Variants in GTF2A1 observed in about 807,000 individuals in gnomAD.
The protein encoded by GTF2A1 is general transcription factor IIA subunit 1.
A neutral mutation model predicts 54.1 loss-of-function variants in GTF2A1; 12 were observed. That is an observed-to-expected ratio of 0.22 (90% CI 0.14 to 0.36). The LOEUF (loss-of-function observed/expected upper bound fraction) is 0.36, where lower values mean the gene tolerates loss of function less well. Among genes scored for constraint, GTF2A1 ranks in the 10% least tolerant of loss-of-function variants. The pLI is 1.00. For missense variants in GTF2A1, 335 were observed against 442.2 expected (o/e 0.76, Z 2.17); for synonymous variants, 145 against 152.0 (o/e 0.95, Z 0.34).
intron 7 of GTF2A1, among the ~76,000 whole-genome samples, chr14:81,189,399 C>T (rs570036409): frequency 1.2e-4 from 18 of 152,226 alleles, no homozygotes; most frequent in East Asian, 7.7e-4. Context: ...TGGCCAGGCG[C>T]GGTGGCTCAT....
At chr14:81,180,369 T>C in intron 8 of GTF2A1, 39 bp from the exon 9 acceptor site, 1 of 874,496 alleles carries the variant, frequency 1.1e-6, no homozygotes, top group South Asian at 1.4e-5. Flanking sequence ...AGAGATACAA[T>C]CAGAAAACAG....
chr14:81,206,196 T>TGTGG lies in GTF2A1; in HGVS notation c.133-2096_133-2093dup, dbSNP rs1450574334. Among the ~76,000 whole-genome samples, 8 of 152,298 alleles carry TGTGG rather than the reference T, an allele frequency of 5.3e-5. No individual in the cohort carries two copies. In the East Asian group the frequency reaches 1.4e-3, roughly 26 times the overall value. On this transcript the variant is annotated intron_variant, in intron 2 of 8. Transcript: ENST00000553612. ...TAAACATTAATGAATACACATCATG[T>TGTGG]GTGGCTAAGTACTGGGCACCATGAC...
At chr14:81,202,564 G>C (rs1893136808) in intron 3 of GTF2A1, 2 of 454,024 alleles carry the variant, frequency 4.4e-6, no homozygotes, top group Admixed American at 5.4e-5. Flanking sequence ...GTCCAAATAA[G>C]TTCGGCATCA....
rs1353364325 is a variant in GTF2A1 at position 81,175,972 on chromosome 14, T to G, written c.*4251A>C. Reference sequence around the variant, plus strand: ...AATCATTTGTAACACAGTTTACTAATTCAAATTGACATCTCAATCTACTTA... The same window carrying G: ...AATCATTTGTAACACAGTTTACTAAGTCAAATTGACATCTCAATCTACTTA... On this transcript the variant is annotated 3_prime_UTR_variant, in exon 9 of 9. Coordinates refer to ENST00000553612, the MANE Select transcript of GTF2A1 (RefSeq NM_015859.4). 1.3e-5 allele frequency: 2 copies of G among 152,202 alleles called. No individual in the cohort carries two copies. Among genetic ancestry groups the G allele is most frequent in the East Asian group, 3.8e-4 (2 of 5,204 alleles). 9.4% of individuals were successfully genotyped at this position (152,202 alleles called of 1,614,324 possible).
chr14:81,176,476 C>T lies in GTF2A1; in HGVS notation c.*3747G>A, dbSNP rs563555256. 4 of 152,196 alleles carry T rather than the reference C, an allele frequency of 2.6e-5. No homozygotes were observed. In the South Asian group the frequency reaches 6.2e-4, roughly 24 times the overall value. The allele number at this position is 152,196 out of a possible 1,614,324, so 9.4% of individuals were successfully genotyped here. On this transcript the variant is annotated 3_prime_UTR_variant, in exon 9 of 9. Transcript: ENST00000553612. ...CCTTGACTGAAAGAGTAGTTACTAA[C>T]TCAATGTGTAGTAACTTCCCTTAAA...
intron 3 of GTF2A1, among the ~76,000 whole-genome samples, chr14:81,203,133 G>A (rs1893150434): frequency 6.6e-6 from 1 of 152,158 alleles, no homozygotes; most frequent in Non-Finnish European, 1.5e-5. Context: ...TACAGATCAA[G>A]TTTCTTAGCC....
chr14:81,207,362 C>T (rs540356758), intron 2 of GTF2A1, among the ~76,000 whole-genome samples: 3 of 152,230 alleles, frequency 2.0e-5, no homozygotes, highest in East Asian at 3.9e-4. Flanking sequence ...GCTTGTTCCT[C>T]ATTTTCTCTT....
chr14:81,186,121 G>A (rs1892739953), intron 7 of GTF2A1, among the ~76,000 whole-genome samples: 1 of 152,158 alleles, frequency 6.6e-6, no homozygotes, highest in South Asian at 2.1e-4. Context: ...CAAAGTGCTG[G>A]GATTACAGGC....
chr14:81,204,566 T>C (rs557291026), intron 2 of GTF2A1, among the ~76,000 whole-genome samples: 2 of 152,294 alleles, frequency 1.3e-5, no homozygotes, highest in East Asian at 3.9e-4. Flanking sequence ...TAAATTCATT[T>C]ACAACAGTGA....
intron 2 of GTF2A1, among the ~76,000 whole-genome samples, chr14:81,213,328 G>T (rs1893413944): frequency 3.7e-4 from 1 of 2,722 alleles, no homozygotes; most frequent in Non-Finnish European, 5.9e-3. Context: ...GAAACATTTG[G>T]TCTCAAAGAT....
chr14:81,215,415 T>C (rs1595232182), intron 2 of GTF2A1, among the ~76,000 whole-genome samples: 1 of 152,190 alleles, frequency 6.6e-6, no homozygotes, highest in Non-Finnish European at 1.5e-5. Context: ...GTCAACCTTG[T>C]GGACCCCCTG....
Position 81,178,075 on chromosome 14 carries a change from T to C in GTF2A1, c.*2148A>G, listed in dbSNP as rs1892564452. 1 of 151,896 alleles carries C rather than the reference T, an allele frequency of 6.6e-6. No individual in the cohort carries two copies. The highest frequency in any genetic ancestry group is 1.5e-5 in the Non-Finnish European group (1 of 67,938). The allele number at this position is 151,896 out of a possible 1,614,324, so 9.4% of individuals were successfully genotyped here. The stretch of plus-strand genomic sequence containing the variant: ...GCAGTGGTTGTTAATATTTGAAAAA[T>C]AAAGTTATAAAAACAGGCCAGTATA... On this transcript the variant is annotated 3_prime_UTR_variant, in exon 9 of 9. Coordinates refer to ENST00000553612, the MANE Select transcript of GTF2A1 (RefSeq NM_015859.4).
Position 81,180,313 on chromosome 14 carries a change from GTTT to G in GTF2A1, c.1038_1040del (p.Lys346del), listed in dbSNP as rs1402359786. 1 of 1,394,978 alleles carries G rather than the reference GTTT, an allele frequency of 7.2e-7. No individual in the cohort carries two copies. Among genetic ancestry groups the G allele is most frequent in the Non-Finnish European group, 1.0e-6 (1 of 988,614 alleles). The allele number at this position is 1,394,978 out of a possible 1,614,324, so 86.4% of individuals were successfully genotyped here. Reference sequence around the variant, plus strand: ...CATCCTTGAGATGAAATTTCCATTTGTTTTTACTTCTGTGTATCTAAACAAAAA... The same window carrying G: ...CATCCTTGAGATGAAATTTCCATTTGTTACTTCTGTGTATCTAAACAAAAA... On this transcript the variant is annotated inframe_deletion, in exon 9 of 9. Coordinates refer to ENST00000553612, the MANE Select transcript of GTF2A1 (RefSeq NM_015859.4).
intron 7 of GTF2A1, among the ~76,000 whole-genome samples, chr14:81,186,751 C>T (rs1892756317): frequency 6.6e-6 from 1 of 151,910 alleles, no homozygotes; most frequent in African/African-American, 2.4e-5. Flanking sequence ...GAGTTTGAGA[C>T]CAGCCAGGGA....
At chr14:81,187,969 CA>C (rs1164016177) in intron 7 of GTF2A1, among the ~76,000 whole-genome samples, 1 of 152,094 alleles carries the variant, frequency 6.6e-6, no homozygotes, top group Non-Finnish European at 1.5e-5. Context: ...CCAATTTCTC[CA>C]AATCCTCACC....
rs189020588 is a variant in GTF2A1 at position 81,211,268 on chromosome 14, G to A, written c.132+5145C>T. Among the ~76,000 whole-genome samples the A allele has an allele frequency of 7.9e-5, 12 of 152,200 alleles. No individual in the cohort carries two copies. The East Asian group carries it at 2.1e-3, about 27-fold the overall frequency. On this transcript the variant is annotated intron_variant, in intron 2 of 8. Transcript: ENST00000553612. ...CCTCACTTGCCTCCCTTTAATCCCA[G>A]TACTAGTCCAAATTCCTAGTCTCTA...
At chr14:81,218,029 C>T (rs1281781970) in intron 1 of GTF2A1, among the ~76,000 whole-genome samples, 1 of 151,666 alleles carries the variant, frequency 6.6e-6, no homozygotes, top group African/African-American at 2.4e-5. Flanking sequence ...GAAAGTATAT[C>T]TGACTATGGA....
Position 81,220,707 on chromosome 14 carries a change from T to G in GTF2A1, c.-189A>C. ...GAGAGGAGGAGGAGGGGGGCACTCC[T>G]CCCGCAGCTGAAAACCTCGAGAATC... On this transcript the variant is annotated 5_prime_UTR_variant, in exon 1 of 9. Coordinates refer to ENST00000553612, the MANE Select transcript of GTF2A1 (RefSeq NM_015859.4). 8.1e-6 allele frequency: 2 copies of G among 245,618 alleles called. No individual in the cohort carries two copies. The highest frequency in any genetic ancestry group is 7.5e-6 in the Non-Finnish European group (1 of 133,628). 15.2% of individuals were successfully genotyped at this position (245,618 alleles called of 1,614,324 possible).
intron 1 of GTF2A1, 85 bp downstream of exon 1, chr14:81,220,404 G>A (rs1480995809): frequency 1.4e-5 from 13 of 920,484 alleles, no homozygotes; most frequent in East Asian, 9.8e-5. Flanking sequence ...GAGGCCGGGA[G>A]TCGCCGCCGT....
Sources: gnomAD v4.1 joint callset for allele counts (sites outside exome capture counted in the v4.1 genomes callset) on GRCh38, gnomAD v4.1.1 for gene constraint, MANE v1.5 for transcripts, NCBI Gene and HGNC (gene_info 2026-07-23, HGNC 2026-07-21) for gene names.